The following TMEM108 variants were observed in gnomAD, a reference collection of about 807,000 sequenced individuals.
The protein encoded by TMEM108 is transmembrane protein 108.
TMEM108 carries 12 observed loss-of-function variants against 35.1 expected under a neutral mutation model. That is an observed-to-expected ratio of 0.34 (90% CI 0.22 to 0.55). The LOEUF (loss-of-function observed/expected upper bound fraction) is 0.55, where lower values mean the gene tolerates loss of function less well. Ranked by LOEUF, TMEM108 falls within the 20% of genes least tolerant of loss-of-function variation. The probability of loss-of-function intolerance (pLI) is 0.89; values close to 1 mark genes in which losing one functional copy is unlikely to be tolerated. For missense variants in TMEM108, 680 were observed against 753.3 expected, an observed-to-expected ratio of 0.90 and a Z score of 1.14; for synonymous variants, 287 against 308.6, an observed-to-expected ratio of 0.93 and a Z score of 0.73.
At chr3:133,206,989 AC>A (rs1945765459) in intron 2 of TMEM108, among the ~76,000 whole-genome samples, 2 of 152,130 alleles carry the variant, frequency 1.3e-5, no homozygotes, top group Non-Finnish European at 2.9e-5. Flanking sequence ...TTTCTTTCAG[AC>A]ATGCCCTGCC....
At chr3:133,288,467 TG>T (rs543550682) in intron 3 of TMEM108, among the ~76,000 whole-genome samples, 13 of 152,194 alleles carry the variant, frequency 8.5e-5, no homozygotes, top group Middle Eastern at 3.4e-3. Flanking sequence ...GTGTTCTCCA[TG>T]GGGGGGTGAA....
At chr3:133,108,481 G>A (rs1247551087) in intron 2 of TMEM108, among the ~76,000 whole-genome samples, 1 of 148,692 alleles carries the variant, frequency 6.7e-6, no homozygotes, top group East Asian at 2.2e-4. Context: ...TTTTTTTCTT[G>A]TAAATTTGTT....
chr3:133,187,900 AAGAC>A (rs1272930471), intron 2 of TMEM108, among the ~76,000 whole-genome samples: 2 of 145,936 alleles, frequency 1.4e-5, no homozygotes, highest in South Asian at 4.3e-4. Flanking sequence ...AAAAAAAAAA[AAGAC>A]AGGAACAAAT....
chr3:133,204,064 T>C (rs1053277213), intron 2 of TMEM108, among the ~76,000 whole-genome samples: 1 of 152,178 alleles, frequency 6.6e-6, no homozygotes, highest in Admixed American at 6.5e-5. Context: ...CCTTCTAGAT[T>C]TTCTAGTTTG....
At chr3:133,145,852 G>A (rs1045306378) in intron 2 of TMEM108, among the ~76,000 whole-genome samples, 4 of 152,108 alleles carry the variant, frequency 2.6e-5, no homozygotes, top group Non-Finnish European at 4.4e-5. Context: ...TTATCAGCTT[G>A]AGGAGATTTT....
chr3:133,278,879 A>G (rs1452053461), intron 3 of TMEM108, among the ~76,000 whole-genome samples: 1 of 152,204 alleles, frequency 6.6e-6, no homozygotes, highest in East Asian at 1.9e-4. Context: ...CCCCACCCAG[A>G]CCTAATGAAT....
chr3:133,311,375 C>T (rs1470069453), intron 3 of TMEM108, among the ~76,000 whole-genome samples: 1 of 152,224 alleles, frequency 6.6e-6, no homozygotes, highest in African/African-American at 2.4e-5. Context: ...GGTCTTTTCA[C>T]ATAGTCCCAT....
intron 3 of TMEM108, among the ~76,000 whole-genome samples, chr3:133,375,831 A>G (rs1412439876): frequency 6.6e-6 from 1 of 152,194 alleles, no homozygotes; most frequent in African/African-American, 2.4e-5. Context: ...GTTCTTGGAC[A>G]AGTCACTTCC....
intron 3 of TMEM108, among the ~76,000 whole-genome samples, chr3:133,266,880 G>A (rs1370907545): frequency 6.8e-6 from 1 of 147,970 alleles, no homozygotes; most frequent in Non-Finnish European, 1.5e-5. Flanking sequence ...AGACCATCCT[G>A]GCTAACACAG....
chr3:133,359,131 C>T (rs1277107772), intron 3 of TMEM108, among the ~76,000 whole-genome samples: 1 of 152,200 alleles, frequency 6.6e-6, no homozygotes, highest in African/African-American at 2.4e-5. Context: ...ACTATCTGAT[C>T]ATTTACAGAA....
intron 3 of TMEM108, among the ~76,000 whole-genome samples, chr3:133,358,459 C>A (rs1407936083): frequency 6.6e-6 from 1 of 152,038 alleles, no homozygotes; most frequent in Non-Finnish European, 1.5e-5. Context: ...TGTGAGTCAC[C>A]GTGCCTGGCC....
intron 3 of TMEM108, among the ~76,000 whole-genome samples, chr3:133,324,341 A>G (rs2071303736): frequency 1.3e-5 from 2 of 152,184 alleles, no homozygotes; most frequent in Admixed American, 1.3e-4. Flanking sequence ...AAACAATCCC[A>G]TCAAAAAGTG....
At chr3:133,063,440 A>T (rs759049139) in intron 2 of TMEM108, among the ~76,000 whole-genome samples, 1 of 152,150 alleles carries the variant, frequency 6.6e-6, no homozygotes, top group African/African-American at 2.4e-5. Flanking sequence ...AGTTCAGGGA[A>T]TGTGGGGAGA....
rs558808740 is a variant in TMEM108 at position 133,258,166 on chromosome 3, G to A, written c.40+28815G>A. Among the ~76,000 whole-genome samples the A allele has an allele frequency of 1.4e-4, 21 of 152,208 alleles. No individual in the cohort carries two copies. In the East Asian group the frequency reaches 3.9e-3, roughly 28 times the overall value. On this transcript the variant is annotated intron_variant, in intron 3 of 5. Transcript: ENST00000321871. ...ATGCCCTTATAAAAGAGACCTTAAG[G>A]AGCTTTCTCACCCCTTCCTCCGTTT...
chr3:133,183,514 T>C (rs1945377465), intron 2 of TMEM108, among the ~76,000 whole-genome samples: 5 of 152,020 alleles, frequency 3.3e-5, no homozygotes, highest in African/African-American at 1.2e-4. Flanking sequence ...GATGATATGA[T>C]GTAAAAAGAA....
intron 2 of TMEM108, 90 bp from the exon 3 acceptor site, chr3:133,229,176 A>G (rs1946116235): frequency 8.8e-6 from 7 of 795,660 alleles, no homozygotes; most frequent in Middle Eastern, 5.0e-4. Context: ...TAAGTTAGGC[A>G]TTATAACCAA....
chr3:133,060,952 GA>G (rs1943527529), intron 2 of TMEM108, among the ~76,000 whole-genome samples: 1 of 152,136 alleles, frequency 6.6e-6, no homozygotes, highest in African/African-American at 2.4e-5. Flanking sequence ...AATACCATAT[GA>G]TTTTTTTAAA....
intron 2 of TMEM108, among the ~76,000 whole-genome samples, chr3:133,227,279 G>A (rs1439549831): frequency 3.1e-5 from 4 of 128,550 alleles, no homozygotes; most frequent in Admixed American, 9.6e-5. Context: ...TGCAGGCTCC[G>A]CCCCCTGGGG....
At chr3:133,153,803 G>A (rs373993409) in intron 2 of TMEM108, among the ~76,000 whole-genome samples, 5 of 152,138 alleles carry the variant, frequency 3.3e-5, no homozygotes, top group African/African-American at 9.7e-5. Context: ...CTGCAAATGG[G>A]CAATGGTTGT....
Sources: allele counts gnomAD v4.1 joint callset (sites outside exome capture counted in the v4.1 genomes callset), GRCh38; gene constraint gnomAD v4.1.1; transcripts MANE v1.5; gene names NCBI Gene and HGNC (gene_info 2026-07-23, HGNC 2026-07-21).